The following ICA1 variants were observed in gnomAD, a reference collection of about 807,000 sequenced individuals.
The protein encoded by ICA1 is 69 kDa islet cell autoantigen.
ICA1 carries 40 observed loss-of-function variants against 71.0 expected under a neutral mutation model. The observed-to-expected ratio is 0.56, with a 90% confidence interval of 0.44 to 0.73. The LOEUF (loss-of-function observed/expected upper bound fraction) is 0.73, where lower values mean the gene tolerates loss of function less well. Among genes scored for constraint, ICA1 ranks in the 30% least tolerant of loss-of-function variants. The pLI, the probability that ICA1 is intolerant of heterozygous loss-of-function variation, is 0.00. For synonymous variants in ICA1, 207 were observed against 209.5 expected (o/e 0.99, Z 0.10); for missense variants, 578 against 576.5 (o/e 1.00, Z -0.03).
At chr7:8,174,770 A>C (rs10233563) in intron 6 of ICA1, among the ~76,000 whole-genome samples, 2 of 37,300 alleles carry the variant, frequency 5.4e-5, no homozygotes, top group Non-Finnish European at 1.2e-4. Flanking sequence ...AAAAAAAAAA[A>C]AAAAAAAAAC....
chr7:8,121,308 T>G (rs1217307291), intron 13 of ICA1, among the ~76,000 whole-genome samples: 1 of 152,164 alleles, frequency 6.6e-6, no homozygotes, highest in Non-Finnish European at 1.5e-5. Flanking sequence ...AGCAAGTACT[T>G]TTGAACATTT....
At chr7:8,124,749 G>A (rs1451754502) in intron 13 of ICA1, among the ~76,000 whole-genome samples, 1 of 151,814 alleles carries the variant, frequency 6.6e-6, no homozygotes, top group Non-Finnish European at 1.5e-5. Context: ...CTGTTTGCAT[G>A]CAAAGGAAAT....
At chr7:8,187,417 G>C (rs1040419538) in intron 6 of ICA1, among the ~76,000 whole-genome samples, 1 of 152,154 alleles carries the variant, frequency 6.6e-6, no homozygotes, top group African/African-American at 2.4e-5. Context: ...AACCTGTGTA[G>C]GGCACTTCCC....
chr7:8,167,752 A>G (rs1172137309), intron 6 of ICA1, among the ~76,000 whole-genome samples: 1 of 152,258 alleles, frequency 6.6e-6, no homozygotes, highest in East Asian at 1.9e-4. Flanking sequence ...TAGACCAGGG[A>G]TGGACATCTT....
upstream of ICA1, chr7:8,262,292 G>C (rs1204705589): frequency 1.3e-5 from 2 of 151,922 alleles, no homozygotes; most frequent in African/African-American, 2.4e-5. Context: ...GCAGCGGCCG[G>C]GGGGTGCGGG....
chr7:8,169,201 T>C (rs975342045), intron 6 of ICA1, among the ~76,000 whole-genome samples: 2 of 152,154 alleles, frequency 1.3e-5, no homozygotes, highest in Admixed American at 6.6e-5. Context: ...AGTAGTGTGT[T>C]CTTTTTTATT....
rs1802543131 is a variant in ICA1, at chr7:8,158,538, C to G, written c.694G>C (p.Ala232Pro). The G allele has an allele frequency of 6.2e-7, 1 of 1,614,040 alleles. No individual in the cohort carries two copies. Residue 232 changes from alanine to proline, a missense_variant, in exon 7 of 14, where the codon GCA becomes CCA. Ala to Pro is a conservative substitution (Grantham distance 27, BLOSUM62 -1). Transcript: ENST00000402384. ...CATTATTTTGTTACCTGGTATGTTG[C>G]TAGCATGTGAGACAAGAGATTGCAT... ...SRCNLLSHML[A>P]TYQTTLLHFW...
Position 8,132,976 on chromosome 7 carries a change from C to T in ICA1, c.1061-4834G>A, listed in dbSNP as rs1372507922. 6.6e-6 allele frequency among the ~76,000 whole-genome samples: 1 copy of T among 152,234 alleles called. No individual in the cohort carries two copies. Among genetic ancestry groups the T allele is most frequent in the Non-Finnish European group, 1.5e-5 (1 of 68,042 alleles). On this transcript the variant is annotated intron_variant, in intron 12 of 13. Transcript: ENST00000402384. This position sits in a 1 kb window ranked among gnomAD's most constrained non-coding sequence, Gnocchi z 4.5. Reference sequence around the variant, plus strand: ...GTTTGCATATCTGTCCCTTCCAAAACTCATGCTGATATTTAAACCCTAGTG... The same window carrying T: ...GTTTGCATATCTGTCCCTTCCAAAATTCATGCTGATATTTAAACCCTAGTG...
chr7:8,158,928 C>G (rs555930778), intron 6 of ICA1, among the ~76,000 whole-genome samples: 2 of 152,176 alleles, frequency 1.3e-5, no homozygotes, highest in African/African-American at 4.8e-5. Flanking sequence ...CATTCACAAA[C>G]TGATCATGGT....
chr7:8,206,707 G>T (rs1791666526), intron 6 of ICA1, among the ~76,000 whole-genome samples: 4 of 143,678 alleles, frequency 2.8e-5, no homozygotes, highest in South Asian at 4.3e-4. Context: ...AGCTTCTCCT[G>T]GATCTTTCTC....
At chr7:8,143,755 C>T (rs1795983607) in intron 9 of ICA1, 120 bp downstream of exon 9, 1 of 667,274 alleles carries the variant, frequency 1.5e-6, no homozygotes, top group Non-Finnish European at 2.7e-6. Flanking sequence ...TACATCTACT[C>T]TGAGAAGTGA....
At chr7:8,152,638 TCTCCTC>T (rs1315087083) in intron 8 of ICA1, among the ~76,000 whole-genome samples, 24 of 84,588 alleles carry the variant, frequency 2.8e-4, no homozygotes, top group African/African-American at 1.2e-3. Context: ...ACTACCACCA[TCTCCTC>T]CACCACCACC....
At chr7:8,247,127 C>A (rs1325767657) in intron 1 of ICA1, among the ~76,000 whole-genome samples, 2 of 151,144 alleles carry the variant, frequency 1.3e-5, no homozygotes, top group African/African-American at 4.9e-5. Flanking sequence ...CAGCAATCGT[C>A]CCACTTGTCA....
At chr7:8,140,058 T>C (rs958165168) in intron 10 of ICA1, among the ~76,000 whole-genome samples, 5 of 152,120 alleles carry the variant, frequency 3.3e-5, no homozygotes, top group African/African-American at 9.7e-5. Context: ...CGAGAGAAAA[T>C]TTGATTCCCC....
At chr7:8,121,657 G>C (rs1339926571) in intron 13 of ICA1, among the ~76,000 whole-genome samples, 1 of 152,178 alleles carries the variant, frequency 6.6e-6, no homozygotes, top group Non-Finnish European at 1.5e-5. Flanking sequence ...CAAAAATATA[G>C]TTAGATAGAA....
intron 6 of ICA1, among the ~76,000 whole-genome samples, chr7:8,162,194 G>T (rs1460013874): frequency 6.6e-6 from 1 of 152,200 alleles, no homozygotes. Flanking sequence ...CAAAGCTCAT[G>T]AATTAGCGTA....
At chr7:8,209,618 A>C (rs1293544867) in intron 6 of ICA1, among the ~76,000 whole-genome samples, 2 of 152,202 alleles carry the variant, frequency 1.3e-5, no homozygotes, top group Non-Finnish European at 2.9e-5. Flanking sequence ...CTATTTATTT[A>C]CCTATTTGCT....
intron 4 of ICA1, among the ~76,000 whole-genome samples, chr7:8,227,327 G>C (rs1798894514): frequency 6.6e-6 from 1 of 152,198 alleles, no homozygotes; most frequent in South Asian, 2.1e-4. Context: ...GAGACTAATG[G>C]TGGTGGCCTG....
chr7:8,241,767 T>C (rs534986806), intron 1 of ICA1, among the ~76,000 whole-genome samples: 301 of 152,186 alleles, frequency 2.0e-3, no homozygotes, highest in Middle Eastern at 3.4e-3. Context: ...GTTGCAATCC[T>C]AGTCTCTGAT....
Sources: allele counts gnomAD v4.1 joint callset (sites outside exome capture counted in the v4.1 genomes callset), GRCh38; gene constraint gnomAD v4.1.1; non-coding constraint Gnocchi (gnomAD v3.1); transcripts MANE v1.5; gene names NCBI Gene and HGNC (gene_info 2026-07-23, HGNC 2026-07-21).